EBF1: variants seen among roughly 807,000 people sequenced by gnomAD.
EBF1 encodes the protein transcription factor COE1.
Under a neutral mutation model 68.4 loss-of-function variants are expected in EBF1, and 10 were observed. The ratio of observed to expected loss-of-function variants is 0.15; its 90% CI spans 0.09 to 0.25. The LOEUF (loss-of-function observed/expected upper bound fraction) is 0.25. Among genes scored for constraint, EBF1 ranks in the 10% least tolerant of loss-of-function variants. EBF1 has a pLI of 1.00. For synonymous variants in EBF1, 298 were observed against 299.8 expected, an observed-to-expected ratio of 0.99 and a Z score of 0.06; for missense variants, 509 against 794.4, an observed-to-expected ratio of 0.64 and a Z score of 4.32.
intron 7 of EBF1, among the ~76,000 whole-genome samples, chr5:158,831,999 A>G (rs903984447): frequency 2.0e-5 from 3 of 152,204 alleles, no homozygotes; most frequent in African/African-American, 4.8e-5. Context: ...AAGATTATAC[A>G]TGTATAACAC....
chr5:158,713,895 G>A (rs1237621001), intron 12 of EBF1, among the ~76,000 whole-genome samples: 2 of 152,168 alleles, frequency 1.3e-5, no homozygotes, highest in Non-Finnish European at 2.9e-5. Context: ...AGTTTTAAAT[G>A]GAGTACCTTT....
chr5:159,051,713 G>A (rs188952623), intron 6 of EBF1, among the ~76,000 whole-genome samples: 3 of 151,990 alleles, frequency 2.0e-5, no homozygotes. Flanking sequence ...CATTCAGAAG[G>A]GGGGGCAAGA....
At chr5:158,767,355 A>G (rs1310447278) in intron 10 of EBF1, among the ~76,000 whole-genome samples, 1 of 152,198 alleles carries the variant, frequency 6.6e-6, no homozygotes, top group Non-Finnish European at 1.5e-5. Context: ...AGTTCCTGTC[A>G]GAACTCACGT....
At chr5:158,818,754 T>G (rs1784229986) in intron 8 of EBF1, among the ~76,000 whole-genome samples, 1 of 152,202 alleles carries the variant, frequency 6.6e-6, no homozygotes, top group Non-Finnish European at 1.5e-5. Flanking sequence ...TCAATCATTT[T>G]CCATTTTTAA....
At chr5:158,941,348 G>A (rs1156918787) in intron 6 of EBF1, 3 of 438,070 alleles carry the variant, frequency 6.8e-6, no homozygotes, top group Non-Finnish European at 1.4e-5. Context: ...CAGCTTTTCA[G>A]AGGCAAAGGA....
At chr5:158,699,216 A>T in intron 15 of EBF1, 74 bp from the exon 16 acceptor site, 1 of 1,238,086 alleles carries the variant, frequency 8.1e-7, no homozygotes, top group Non-Finnish European at 1.1e-6. Flanking sequence ...ATGAAGACTA[A>T]AAAAAAAAAA....
chr5:158,805,987 G>T (rs986951148), intron 8 of EBF1, among the ~76,000 whole-genome samples: 1 of 152,070 alleles, frequency 6.6e-6, no homozygotes, highest in Non-Finnish European at 1.5e-5. Context: ...AGGGGTATGG[G>T]TGTGGGAGCA....
chr5:159,018,946 G>A (rs573344253), intron 6 of EBF1: 1 of 152,294 alleles, frequency 6.6e-6, no homozygotes, highest in East Asian at 1.9e-4. Context: ...TACTGAGTCT[G>A]AGCATTCACT....
intron 6 of EBF1, among the ~76,000 whole-genome samples, chr5:158,926,254 T>C (rs1195511935): frequency 6.6e-6 from 1 of 152,226 alleles, no homozygotes; most frequent in Non-Finnish European, 1.5e-5. Flanking sequence ...TAGGTCTACT[T>C]ATAAGCAAAT....
chr5:158,737,500 G>T (rs1296074929), intron 10 of EBF1, among the ~76,000 whole-genome samples: 2 of 151,726 alleles, frequency 1.3e-5, no homozygotes, highest in Admixed American at 6.6e-5. Context: ...TAGACAGGAT[G>T]GTCTCGATCT....
At chr5:159,096,034 C>T (rs1261396079) in intron 3 of EBF1, among the ~76,000 whole-genome samples, 1 of 152,248 alleles carries the variant, frequency 6.6e-6, no homozygotes, top group Non-Finnish European at 1.5e-5. Context: ...CCCAAGGGGC[C>T]ATGGGCCTGC....
intron 10 of EBF1, among the ~76,000 whole-genome samples, chr5:158,739,619 A>T (rs1386088593): frequency 3.9e-5 from 6 of 152,210 alleles, no homozygotes. Flanking sequence ...TCCACTTTGT[A>T]ATGGATGATG....
intron 6 of EBF1, among the ~76,000 whole-genome samples, chr5:158,841,745 A>T (rs1790377795): frequency 6.6e-6 from 1 of 152,250 alleles, no homozygotes; most frequent in South Asian, 2.1e-4. Context: ...GAGAAGTCCC[A>T]GATGAATCCC....
intron 7 of EBF1, among the ~76,000 whole-genome samples, chr5:158,830,246 T>C (rs1423625947): frequency 6.6e-6 from 1 of 152,058 alleles, no homozygotes; most frequent in Non-Finnish European, 1.5e-5. Flanking sequence ...AGACTCACAG[T>C]GCAGTTCTCA....
chr5:158,769,297 C>A (rs142861137), intron 10 of EBF1, among the ~76,000 whole-genome samples: 97 of 152,182 alleles, frequency 6.4e-4, no homozygotes, highest in African/African-American at 2.3e-3. Context: ...TGTGATTTAT[C>A]TCTCTCCCGG....
intron 6 of EBF1, among the ~76,000 whole-genome samples, chr5:159,034,489 C>A (rs1769626531): frequency 6.6e-6 from 1 of 152,226 alleles, no homozygotes; most frequent in African/African-American, 2.4e-5. Context: ...CAATTCCTCT[C>A]TGGCTTGAAA....
At chr5:159,006,889 A>G (rs376427865) in intron 6 of EBF1, among the ~76,000 whole-genome samples, 84 of 152,302 alleles carry the variant, frequency 5.5e-4, no homozygotes, top group African/African-American at 1.9e-3. Context: ...AGCTGTAGAA[A>G]TGAGTCTGGC....
At chr5:158,944,134 C>A (rs1469748382) in intron 6 of EBF1, among the ~76,000 whole-genome samples, 1 of 152,124 alleles carries the variant, frequency 6.6e-6, no homozygotes, top group East Asian at 1.9e-4. Context: ...AGGTTTGTTA[C>A]ATAGGTATAC....
intron 6 of EBF1, among the ~76,000 whole-genome samples, chr5:158,889,995 A>G (rs542332072): frequency 6.6e-5 from 10 of 152,330 alleles, no homozygotes; most frequent in African/African-American, 2.4e-4. Flanking sequence ...ATATGCAAAT[A>G]TTATGACATT....
Sources: gnomAD v4.1 joint callset for allele counts (sites outside exome capture counted in the v4.1 genomes callset) on GRCh38, gnomAD v4.1.1 for gene constraint, MANE v1.5 for transcripts, NCBI Gene and HGNC (gene_info 2026-07-23, HGNC 2026-07-21) for gene names.